Variants in ATP8A2 observed in about 807,000 individuals in gnomAD.
ATP8A2 encodes phospholipid-transporting ATPase IB.
Under a neutral mutation model 165.6 loss-of-function variants are expected in ATP8A2, and 100 were observed. The ratio of observed to expected loss-of-function variants is 0.60; its 90% CI spans 0.51 to 0.71. The LOEUF (loss-of-function observed/expected upper bound fraction) is 0.71, where lower values mean the gene tolerates loss of function less well. ATP8A2 is among the 30% of genes least tolerant of loss of function. ATP8A2 has a pLI of 0.00. For synonymous variants in ATP8A2, 543 were observed against 548.8 expected (o/e 0.99, Z 0.15); for missense variants, 1,227 against 1,479.5 (o/e 0.83, Z 2.80).
At chr13:25,836,497 G>A (rs1282969282) in intron 28 of ATP8A2, among the ~76,000 whole-genome samples, 1 of 152,096 alleles carries the variant, frequency 6.6e-6, no homozygotes, top group East Asian at 1.9e-4. Flanking sequence ...GAATCCTTTG[G>A]TGACTCTCCC....
intron 2 of ATP8A2, among the ~76,000 whole-genome samples, chr13:25,469,967 G>A (rs1390019246): frequency 6.6e-6 from 1 of 152,190 alleles, no homozygotes; most frequent in Non-Finnish European, 1.5e-5. Flanking sequence ...TCTGTGAGCT[G>A]CTCAGAACAC....
chr13:25,793,768 C>T (rs929785038), intron 27 of ATP8A2, among the ~76,000 whole-genome samples: 4 of 151,934 alleles, frequency 2.6e-5, no homozygotes, highest in African/African-American at 7.3e-5. Flanking sequence ...TAATATGTCA[C>T]GGTGAAGGCC....
chr13:25,776,183 C>T (rs1358507295), intron 27 of ATP8A2, among the ~76,000 whole-genome samples: 3 of 152,244 alleles, frequency 2.0e-5, no homozygotes, highest in Non-Finnish European at 4.4e-5. Context: ...CCAGCCTATT[C>T]GCCAAGACGT....
intron 23 of ATP8A2, among the ~76,000 whole-genome samples, chr13:25,583,583 G>A (rs2039835725): frequency 6.6e-6 from 1 of 152,042 alleles, no homozygotes; most frequent in African/African-American, 2.4e-5. Flanking sequence ...ACACCGCCCG[G>A]CCCCTGGGAG....
intron 2 of ATP8A2, among the ~76,000 whole-genome samples, chr13:25,477,119 G>C (rs1222303174): frequency 1.3e-5 from 2 of 152,302 alleles, no homozygotes; most frequent in South Asian, 2.1e-4. Flanking sequence ...TAAGAGGACA[G>C]ACTTTCATGG....
At chr13:25,935,392 C>A (rs1466030633) in intron 33 of ATP8A2, among the ~76,000 whole-genome samples, 3 of 152,124 alleles carry the variant, frequency 2.0e-5, no homozygotes, top group Non-Finnish European at 2.9e-5. Flanking sequence ...AGAAGTGGCT[C>A]ACTATTATAG....
chr13:25,881,243 C>G, intron 33 of ATP8A2, among the ~76,000 whole-genome samples: 1 of 148,442 alleles, frequency 6.7e-6, no homozygotes, highest in South Asian at 2.1e-4. Context: ...TGTTAATACA[C>G]AGGAGATCTG....
intron 26 of ATP8A2, among the ~76,000 whole-genome samples, chr13:25,770,946 G>T (rs1370698049): frequency 6.6e-6 from 1 of 152,170 alleles, no homozygotes; most frequent in Non-Finnish European, 1.5e-5. Context: ...TATAGCCCCA[G>T]GGCTTCAGGC....
chr13:25,880,103 A>G (rs182607399), intron 33 of ATP8A2, among the ~76,000 whole-genome samples: 64 of 152,334 alleles, frequency 4.2e-4, no homozygotes, highest in African/African-American at 1.4e-3. Context: ...TCCATGGGGT[A>G]CTGTTTTGGG....
At chr13:25,923,391 G>A (rs1954515512) in intron 33 of ATP8A2, among the ~76,000 whole-genome samples, 1 of 152,242 alleles carries the variant, frequency 6.6e-6, no homozygotes, top group African/African-American at 2.4e-5. Context: ...GTCCACAGCT[G>A]TAGAGGGCCA....
intron 33 of ATP8A2, among the ~76,000 whole-genome samples, chr13:25,870,063 G>A (rs1028275468): frequency 1.3e-5 from 2 of 152,218 alleles, no homozygotes; most frequent in Admixed American, 6.5e-5. Context: ...GGGGGAGCCA[G>A]AAGGGAGATG....
intron 1 of ATP8A2, among the ~76,000 whole-genome samples, chr13:25,433,772 A>T (rs982514391): frequency 6.6e-6 from 1 of 152,232 alleles, no homozygotes; most frequent in Non-Finnish European, 1.5e-5. Flanking sequence ...TGTGGTATTT[A>T]TACACCATGG....
At chr13:26,004,068 A>C (rs183790558) in intron 35 of ATP8A2, among the ~76,000 whole-genome samples, 260 of 152,194 alleles carry the variant, frequency 1.7e-3, no homozygotes, top group African/African-American at 4.9e-3. Flanking sequence ...TGACATTGCC[A>C]TTTTGATAGG....
chr13:25,807,695 C>T (rs1362542667), intron 27 of ATP8A2, among the ~76,000 whole-genome samples: 2 of 152,148 alleles, frequency 1.3e-5, no homozygotes, highest in East Asian at 1.9e-4. Context: ...GCTGTATTTC[C>T]CTTGAGTAGA....
At chr13:25,626,418 T>C (rs1354191279) in intron 24 of ATP8A2, among the ~76,000 whole-genome samples, 1 of 152,142 alleles carries the variant, frequency 6.6e-6, no homozygotes, top group Non-Finnish European at 1.5e-5. Context: ...TCTTTTAAAG[T>C]CACCAGTACC....
chr13:25,543,342 A>G lies in ATP8A2; in HGVS notation c.831A>G (p.Arg277=). The change falls in exon 10 of 37, where the codon AGA becomes AGG. Residue 277 remains arginine (R), a synonymous_variant. Coordinates refer to ENST00000381655, the MANE Select transcript of ATP8A2 (RefSeq NM_016529.6). ...DQILLRGTQL[R]NTQWVFGIVV... ...TCTTATTAAGAGGTACACAGCTTAG[A>G]AATACTCAGTGGGTCTTTGGCATAG... 2 of 1,613,652 alleles carry G rather than the reference A, an allele frequency of 1.2e-6. No homozygotes were observed. Among genetic ancestry groups the G allele is most frequent in the Non-Finnish European group, 1.7e-6 (2 of 1,179,640 alleles).
chr13:25,880,814 G>A (rs1278292196), intron 33 of ATP8A2: 1 of 424,254 alleles, frequency 2.4e-6, no homozygotes. Context: ...TCTAGCAAAG[G>A]AATTTGCAGT....
At chr13:25,393,410 A>T (rs1442403642) in intron 1 of ATP8A2, among the ~76,000 whole-genome samples, 1 of 151,330 alleles carries the variant, frequency 6.6e-6, no homozygotes, top group Non-Finnish European at 1.5e-5. Flanking sequence ...ACCTATTTAC[A>T]TACTTTTTTT....
intron 1 of ATP8A2, among the ~76,000 whole-genome samples, chr13:25,445,478 CACT>C (rs1477159745): frequency 6.6e-6 from 1 of 152,176 alleles, no homozygotes; most frequent in Non-Finnish European, 1.5e-5. Flanking sequence ...TGTTTTCAGG[CACT>C]ACAATATTCC....
Sources: gnomAD v4.1 joint callset for allele counts (sites outside exome capture counted in the v4.1 genomes callset) on GRCh38, gnomAD v4.1.1 for gene constraint, MANE v1.5 for transcripts, NCBI Gene and HGNC (gene_info 2026-07-23, HGNC 2026-07-21) for gene names.